GFPT2: variants seen among roughly 807,000 people sequenced by gnomAD.
GFPT2 encodes the protein glutamine--fructose-6-phosphate transaminase 2, also known as glutamine--fructose-6-phosphate aminotransferase [isomerizing] 2.
A neutral mutation model predicts 85.6 loss-of-function variants in GFPT2; 62 were observed. That is an observed-to-expected ratio of 0.72 (90% CI 0.59 to 0.90). The LOEUF (loss-of-function observed/expected upper bound fraction) is 0.90, where lower values mean the gene tolerates loss of function less well. Ranked by LOEUF, GFPT2 falls within the 40% of genes least tolerant of loss-of-function variation. The pLI, the probability that GFPT2 is intolerant of heterozygous loss-of-function variation, is 0.00. For missense variants in GFPT2, 788 were observed against 893.4 expected, an observed-to-expected ratio of 0.88 and a Z score of 1.50; for synonymous variants, 368 against 344.5, an observed-to-expected ratio of 1.07 and a Z score of -0.75.
chr5:180,307,326 G>A (rs746757990), intron 15 of GFPT2, 23 bp from the exon 16 acceptor site: 3 of 1,612,906 alleles, frequency 1.9e-6, no homozygotes, highest in East Asian at 4.5e-5. Flanking sequence ...CGGAGCAGAG[G>A]GAGAAAACCA....
intron 14 of GFPT2, among the ~76,000 whole-genome samples, chr5:180,313,576 T>C (rs144120996): frequency 0.21 from 30,697 of 149,228 alleles, 3,357 homozygotes; most frequent in Non-Finnish European, 0.25. Context: ...GGCGACAGAG[T>C]GAGACTCCGT....
At chr5:180,332,741 T>C (rs1764327694) in intron 4 of GFPT2, among the ~76,000 whole-genome samples, 1 of 152,130 alleles carries the variant, frequency 6.6e-6, no homozygotes, top group South Asian at 2.1e-4. Flanking sequence ...GGTTTCACCA[T>C]GTTAGCCAGG....
intron 8 of GFPT2, chr5:180,324,605 T>C: frequency 1.7e-6 from 1 of 592,294 alleles, no homozygotes; most frequent in South Asian, 2.1e-5. Context: ...TACAAAATCA[T>C]GATAAATTCA....
In GFPT2 at chr5:180,312,505, A is replaced by G. The variant is rs1763913315; in HGVS notation, c.1471T>C (p.Leu491=). ...GAAATTCGGTCTTCAGACATCATCA[A>G]ACCAAACATCACCAGAGAGATGAAC... The part of the protein sequence containing the change: ...SQFISLVMFG[L]MMSEDRISLQ... Residue 491 remains leucine, a synonymous_variant, in exon 15 of 19, where the codon TTG becomes CTG. Transcript: ENST00000253778. 2 of 1,609,936 alleles carry G rather than the reference A, an allele frequency of 1.2e-6. No homozygotes were observed. Among genetic ancestry groups the G allele is most frequent in the Non-Finnish European group, 1.7e-6 (2 of 1,176,146 alleles).
chr5:180,339,806 C>T (rs955173651), intron 1 of GFPT2, among the ~76,000 whole-genome samples: 2 of 152,378 alleles, frequency 1.3e-5, no homozygotes, highest in Middle Eastern at 3.4e-3. Flanking sequence ...ACAGTCCCCA[C>T]CAAGGGCACA....
chr5:180,307,197 G>A lies in GFPT2; in HGVS notation c.1653C>T (p.Ala551=). The change falls in exon 16 of 19, where the codon GCC becomes GCT. Residue 551 remains alanine, a synonymous_variant. Transcript: ENST00000253778. ...LLVMGRGYNY[A]TCLEGALKIK... ...TCACCAGGGCTCCTTCCAGGCAGGTGGCATAGTTGTAGCCCCGCCCCATCA... is the reference window on the plus strand; with the variant it reads ...TCACCAGGGCTCCTTCCAGGCAGGTAGCATAGTTGTAGCCCCGCCCCATCA... The A allele has an allele frequency of 6.3e-7, 1 of 1,595,380 alleles. No homozygotes were observed. The highest frequency in any genetic ancestry group is 8.5e-7 in the Non-Finnish European group (1 of 1,171,880).
In GFPT2 at chr5:180,300,738, T is replaced by C. The variant is rs905236616; in HGVS notation, c.*826A>G. 3.9e-5 allele frequency: 6 copies of C among 152,638 alleles called. No homozygotes were observed. The highest frequency in any genetic ancestry group is 1.4e-4 in the African/African-American group (6 of 41,452). 9.5% of individuals were successfully genotyped at this position (152,638 alleles called of 1,614,324 possible). On this transcript the variant is annotated 3_prime_UTR_variant, in exon 19 of 19. Transcript: ENST00000253778. ...TTATTGTCCTAAAATTGCATAGTAC[T>C]TTTGATTGTGCACGCTTTTAAATAG...
intron 2 of GFPT2, among the ~76,000 whole-genome samples, chr5:180,337,996 G>A (rs553678288): frequency 6.6e-6 from 1 of 152,282 alleles, no homozygotes; most frequent in Admixed American, 6.5e-5. Flanking sequence ...GCCGGGTGTG[G>A]TGGTGCACGC....
chr5:180,329,960 TCTCTCTCC>T (rs1041535098), intron 6 of GFPT2, among the ~76,000 whole-genome samples: 9 of 152,298 alleles, frequency 5.9e-5, no homozygotes, highest in African/African-American at 2.2e-4. Context: ...ATGTCCCCAA[TCTCTCTCC>T]CTCTCTCCCT....
At chr5:180,319,918 C>A (rs1028593397) in intron 9 of GFPT2, among the ~76,000 whole-genome samples, 1 of 152,164 alleles carries the variant, frequency 6.6e-6, no homozygotes, top group African/African-American at 2.4e-5. Flanking sequence ...CTTACACACA[C>A]ACACACATAC....
chr5:180,342,174 G>A (rs1470887762), intron 1 of GFPT2, among the ~76,000 whole-genome samples: 2 of 152,118 alleles, frequency 1.3e-5, no homozygotes, highest in African/African-American at 4.8e-5. Context: ...CCAGCCATGT[G>A]GAACTATGAG....
Position 180,330,071 on chromosome 5 carries a change from A to G in GFPT2, c.534+629T>C, listed in dbSNP as rs1764276666. On this transcript the variant is annotated intron_variant, in intron 6 of 18. Transcript: ENST00000253778. This position sits in a 1 kb window ranked among gnomAD's most constrained non-coding sequence, Gnocchi z 4.4. Reference sequence around the variant, plus strand: ...ACAGTGGCTCACGCCTGTAAATCCCAGCATTTTGGGAGGCCAAGGCAGGTG... The same window carrying G: ...ACAGTGGCTCACGCCTGTAAATCCCGGCATTTTGGGAGGCCAAGGCAGGTG... Among the ~76,000 whole-genome samples, 1 of 152,220 alleles carries G rather than the reference A, an allele frequency of 6.6e-6. No individual in the cohort carries two copies. Among genetic ancestry groups the G allele is most frequent in the Admixed American group, 6.5e-5 (1 of 15,278 alleles).
chr5:180,307,965 A>T (rs187973121), intron 15 of GFPT2, among the ~76,000 whole-genome samples: 5 of 152,054 alleles, frequency 3.3e-5, no homozygotes, highest in Non-Finnish European at 7.4e-5. Context: ...ACAAAAAATT[A>T]GCCGGGCGTG....
chr5:180,342,770 T>A (rs2127657206), intron 1 of GFPT2, among the ~76,000 whole-genome samples: 1 of 151,846 alleles, frequency 6.6e-6, no homozygotes. Context: ...GGTATGGTGG[T>A]GCGTGCCTGT....
chr5:180,322,802 TGAG>T (rs1044240029), intron 9 of GFPT2, among the ~76,000 whole-genome samples: 4 of 151,972 alleles, frequency 2.6e-5, no homozygotes, highest in Non-Finnish European at 4.4e-5. Context: ...TTTGGGAGGC[TGAG>T]GAGGGCGGAT....
intron 1 of GFPT2, among the ~76,000 whole-genome samples, chr5:180,344,474 G>A (rs1390137712): frequency 6.6e-6 from 1 of 152,194 alleles, no homozygotes; most frequent in Non-Finnish European, 1.5e-5. Context: ...CTATCCACAG[G>A]GGGATGTCCT....
chr5:180,313,580 A>G (rs1763940974), intron 14 of GFPT2, among the ~76,000 whole-genome samples: 1 of 151,352 alleles, frequency 6.6e-6, no homozygotes, highest in Non-Finnish European at 1.5e-5. Context: ...ACAGAGTGAG[A>G]CTCCGTCTCA....
chr5:180,346,494 C>T (rs529612606), intron 1 of GFPT2, among the ~76,000 whole-genome samples: 5 of 152,308 alleles, frequency 3.3e-5, no homozygotes, highest in South Asian at 2.1e-4. Context: ...TCGGTGACCA[C>T]GGCAAGGCAG....
chr5:180,338,357 AT>A (rs1379051671), intron 2 of GFPT2, 135 bp downstream of exon 2: 10 of 480,908 alleles, frequency 2.1e-5, no homozygotes, highest in Admixed American at 2.0e-4. Context: ...GACAAGTGTT[AT>A]TTTTATATTG....
Sources: gnomAD v4.1 joint callset for allele counts (sites outside exome capture counted in the v4.1 genomes callset) on GRCh38, gnomAD v4.1.1 for gene constraint, Gnocchi (gnomAD v3.1) non-coding constraint, MANE v1.5 for transcripts, NCBI Gene and HGNC (gene_info 2026-07-23, HGNC 2026-07-21) for gene names.